The following SNX29 variants were observed in gnomAD, a reference collection of about 807,000 sequenced individuals.
SNX29 encodes the protein sorting nexin-29.
SNX29 carries 78 observed loss-of-function variants against 102.1 expected under a neutral mutation model. The observed-to-expected ratio is 0.76, with a 90% confidence interval of 0.64 to 0.92. SNX29 has a LOEUF of 0.92. Ranked by LOEUF, SNX29 falls within the 40% of genes least tolerant of loss-of-function variation. SNX29 has a pLI of 0.00. For synonymous variants in SNX29, 580 were observed against 414.5 expected (o/e 1.40, Z -4.85); for missense variants, 1,280 against 1,061.7 (o/e 1.21, Z -2.86).
intron 18 of SNX29, among the ~76,000 whole-genome samples, chr16:12,442,198 C>G (rs551992047): frequency 1.3e-5 from 2 of 152,314 alleles, no homozygotes; most frequent in Admixed American, 6.5e-5. Flanking sequence ...ACTGAATGAT[C>G]TTGGCACTCT....
intron 20 of SNX29, among the ~76,000 whole-genome samples, chr16:12,554,615 C>G (rs764046312): frequency 6.6e-6 from 1 of 152,316 alleles, no homozygotes; most frequent in South Asian, 2.1e-4. Context: ...AGCTCACTCA[C>G]ACATACCTGC....
intron 15 of SNX29, among the ~76,000 whole-genome samples, chr16:12,352,167 C>A (rs2082007712): frequency 6.6e-6 from 1 of 152,088 alleles, no homozygotes; most frequent in Non-Finnish European, 1.5e-5. Context: ...ACATATAGAC[C>A]ATGGAATACT....
At chr16:12,058,488 G>GT (rs371098978) in intron 8 of SNX29, among the ~76,000 whole-genome samples, 1 of 26,174 alleles carries the variant, frequency 3.8e-5, no homozygotes, top group African/African-American at 2.5e-4. Flanking sequence ...TTTTTTTTTG[G>GT]TTTTTGGTTT....
chr16:12,070,915 G>C (rs945494305), intron 10 of SNX29, among the ~76,000 whole-genome samples: 7 of 152,142 alleles, frequency 4.6e-5, no homozygotes, highest in Non-Finnish European at 1.0e-4. Flanking sequence ...GCATTTCTCT[G>C]ATGGCCAGCG....
chr16:11,997,621 G>C (rs932910971), intron 1 of SNX29, among the ~76,000 whole-genome samples: 1 of 152,180 alleles, frequency 6.6e-6, no homozygotes, highest in South Asian at 2.1e-4. Flanking sequence ...GGGACCACAG[G>C]TGTGTGCCAC....
intron 20 of SNX29, among the ~76,000 whole-genome samples, chr16:12,549,201 C>T (rs138531410): frequency 3.9e-5 from 6 of 152,274 alleles, no homozygotes; most frequent in East Asian, 1.9e-4. Flanking sequence ...GCACCCCTCA[C>T]GATGCTTGTG....
chr16:12,347,837 G>A (rs1208243147), intron 15 of SNX29, among the ~76,000 whole-genome samples: 1 of 151,744 alleles, frequency 6.6e-6, no homozygotes, highest in Non-Finnish European at 1.5e-5. Flanking sequence ...TAGCACTTCG[G>A]GAGGCTGAGG....
chr16:12,209,289 A>C (rs1352327216), intron 14 of SNX29, among the ~76,000 whole-genome samples: 1 of 152,204 alleles, frequency 6.6e-6, no homozygotes, highest in Non-Finnish European at 1.5e-5. Flanking sequence ...TCCTGAGTTC[A>C]AGCGATTCTC....
In SNX29 at chr16:12,546,197, C is replaced by G. The variant is rs745736817; in HGVS notation, c.2318+21356C>G. On this transcript the variant is annotated intron_variant, in intron 20 of 20. Coordinates refer to ENST00000566228, the MANE Select transcript of SNX29 (RefSeq NM_032167.5). The stretch of plus-strand genomic sequence containing the variant: ...CACTGGTGCAGGGAATGTAAAGTAA[C>G]GAGGGACGTAGGAGGTACTCATTGC... The G allele has an allele frequency of 3.9e-5, 6 of 152,276 alleles. No homozygotes were observed. In the South Asian group the frequency reaches 1.0e-3, roughly 26 times the overall value. The allele number at this position is 152,276 out of a possible 1,614,324, so 9.4% of individuals were successfully genotyped here.
intron 4 of SNX29, among the ~76,000 whole-genome samples, chr16:12,036,569 C>T (rs1023019032): frequency 4.6e-5 from 7 of 152,072 alleles, no homozygotes; most frequent in East Asian, 1.9e-4. Context: ...CTCCTGACCT[C>T]GTGATCCACC....
chr16:12,461,445 C>T (rs12708749), intron 18 of SNX29, among the ~76,000 whole-genome samples: 47,129 of 151,932 alleles, frequency 0.31, 7,332 homozygotes, highest in South Asian at 0.4. Context: ...AAGTTCTAAC[C>T]GCAGCCCTTC....
intron 18 of SNX29, among the ~76,000 whole-genome samples, chr16:12,412,862 C>T (rs1157482003): frequency 1.3e-5 from 2 of 152,206 alleles, no homozygotes; most frequent in African/African-American, 4.8e-5. Flanking sequence ...CTAGATCATA[C>T]TCTCAGTAGC....
intron 10 of SNX29, among the ~76,000 whole-genome samples, chr16:12,070,026 C>A (rs1183563708): frequency 3.3e-5 from 5 of 152,176 alleles, no homozygotes; most frequent in African/African-American, 1.2e-4. Flanking sequence ...ATTTGACCAT[C>A]CTAGTGTTGT....
intron 14 of SNX29, among the ~76,000 whole-genome samples, chr16:12,267,291 T>A (rs1406826403): frequency 6.6e-6 from 1 of 151,952 alleles, no homozygotes; most frequent in Non-Finnish European, 1.5e-5. Context: ...GTAGGCTCCC[T>A]TTGGTGTTTA....
intron 3 of SNX29, among the ~76,000 whole-genome samples, chr16:12,005,271 A>G (rs576607450): frequency 1.3e-5 from 2 of 152,296 alleles, no homozygotes; most frequent in African/African-American, 4.8e-5. Flanking sequence ...CCACACAGGG[A>G]TCCAAGGTCT....
At chr16:12,414,371 CTAAAAG>C (rs2084537944) in intron 18 of SNX29, among the ~76,000 whole-genome samples, 1 of 152,264 alleles carries the variant, frequency 6.6e-6, no homozygotes, top group African/African-American at 2.4e-5. Flanking sequence ...GACCTCAACT[CTAAAAG>C]TACAAGTAAA....
At chr16:12,338,904 A>T (rs973758929) in intron 15 of SNX29, among the ~76,000 whole-genome samples, 2 of 152,230 alleles carry the variant, frequency 1.3e-5, no homozygotes, top group African/African-American at 4.8e-5. Context: ...GTGTTTCCAG[A>T]TGGAGGATTC....
intron 18 of SNX29, among the ~76,000 whole-genome samples, chr16:12,457,325 C>T (rs957530190): frequency 1.3e-5 from 2 of 152,190 alleles, no homozygotes; most frequent in African/African-American, 4.8e-5. Flanking sequence ...GTCCAGCTGG[C>T]AGGTGGTGGA....
intron 20 of SNX29, among the ~76,000 whole-genome samples, chr16:12,565,978 C>T (rs1204262585): frequency 6.6e-6 from 1 of 152,132 alleles, no homozygotes; most frequent in Non-Finnish European, 1.5e-5. Context: ...CTTTCCAAAC[C>T]TGAGACCACT....
Sources: allele counts gnomAD v4.1 joint callset (sites outside exome capture counted in the v4.1 genomes callset), GRCh38; gene constraint gnomAD v4.1.1; transcripts MANE v1.5; gene names NCBI Gene and HGNC (gene_info 2026-07-23, HGNC 2026-07-21).